The following DOK1 variants were observed in gnomAD, a reference collection of about 807,000 sequenced individuals.
The protein encoded by DOK1 is docking protein 1, also known as Downstream of tyrosine kinase 1.
In DOK1, 12 loss-of-function variants were observed where a neutral mutation model predicts 24.0. That is an observed-to-expected ratio of 0.50 (90% confidence interval 0.32 to 0.81). DOK1 has a LOEUF of 0.81. Ranked by LOEUF, DOK1 falls within the 30% of genes least tolerant of loss-of-function variation. The pLI is 0.03. For synonymous variants in DOK1, 250 were observed against 260.9 expected, an observed-to-expected ratio of 0.96 and a Z score of 0.40; for missense variants, 591 against 620.7, an observed-to-expected ratio of 0.95 and a Z score of 0.51.
chr2:74,553,448 G>A (rs1196225145), upstream of DOK1, among the ~76,000 whole-genome samples: 1 of 152,194 alleles, frequency 6.6e-6, no homozygotes, highest in African/African-American at 2.4e-5. Flanking sequence ...CCAGCCTCCT[G>A]CCAACACCAC....
At chr2:74,554,544 G>A (rs1273715226), upstream of DOK1, 2 of 577,724 alleles carry the variant, frequency 3.5e-6, no homozygotes, top group Non-Finnish European at 6.1e-6. This position sits in a 1 kb window ranked among gnomAD's most constrained non-coding sequence, Gnocchi z 4.9. Flanking sequence ...CCCCACGACG[G>A]CGGGTAGGGG....
Position 74,555,659 on chromosome 2 carries a change from A to C in DOK1, c.445A>C (p.Thr149Pro). Residue 149 changes from threonine (T) to proline (P), a missense_variant, in exon 3 of 5, where the codon ACC (threonine) becomes CCC (proline). Coordinates refer to ENST00000233668, the MANE Select transcript of DOK1 (RefSeq NM_001381.5). This position sits in a 1 kb window ranked among gnomAD's most constrained non-coding sequence, Gnocchi z 6.1. ...EMLENSLYSP[T>P]WEGSQFWVTV... ...GCTGGAGAACTCCTTGTACAGCCCT[A>C]CCTGGGAAGGTAGACGCCTCAGAAG... 2 of 1,613,968 alleles carry C rather than the reference A, an allele frequency of 1.2e-6. No individual in the cohort carries two copies. Among genetic ancestry groups the C allele is most frequent in the Admixed American group, 1.7e-5 (1 of 60,012 alleles).
chr2:74,550,281 C>G, upstream of DOK1: 2 of 1,614,178 alleles, frequency 1.2e-6, no homozygotes, highest in Non-Finnish European at 8.5e-7. Flanking sequence ...TCCCCCAGCC[C>G]CGGGAGGCAC....
Position 74,555,868 on chromosome 2 carries a change from G to A in DOK1, c.455-26G>A, listed in dbSNP as rs1421127612. 7 of 1,590,992 alleles carry A rather than the reference G, an allele frequency of 4.4e-6. No individual in the cohort carries two copies. Among genetic ancestry groups the A allele is most frequent in the Non-Finnish European group, 6.0e-6 (7 of 1,167,172 alleles). On this transcript the variant is annotated intron_variant, in intron 3 of 4. Transcript: ENST00000233668. This position sits in a 1 kb window ranked among gnomAD's most constrained non-coding sequence, Gnocchi z 6.1. Reference sequence around the variant, plus strand: ...CTGCTGCCCCCGTCCCTCCCCCGCAGCTGTCTAATCGTGTATGCCTTCCAG... The same window carrying A: ...CTGCTGCCCCCGTCCCTCCCCCGCAACTGTCTAATCGTGTATGCCTTCCAG...
chr2:74,557,099 A>C lies in DOK1; in HGVS notation c.1431A>C (p.Ser477=), dbSNP rs1194509368. ...GGACTGACAAGACTGGGGTCAAGTC[A>C]GAGGGCTCTACCTGAGAAGGACGGC... is the stretch of plus-strand genomic sequence containing the variant. ...RVGTDKTGVK[S]EGST Residue 477 remains serine (S), a synonymous_variant, in exon 5 of 5, where the codon TCA becomes TCC. Transcript: ENST00000233668. The C allele has an allele frequency of 1.2e-6, 2 of 1,609,428 alleles. No individual in the cohort carries two copies. Among genetic ancestry groups the C allele is most frequent in the South Asian group, 2.2e-5 (2 of 90,970 alleles).
rs764963704 is a variant in DOK1, at chr2:74,555,962, G to T, written c.523G>T (p.Val175Leu). The stretch of plus-strand genomic sequence containing the variant: ...GCGCTGTGGCCTGCATGGCTCCTAC[G>T]TGCTGAGGGTGGAGGCTGAAAGGCT... ...AERCGLHGSYVLRVEAERLTL... is the reference protein window; with the variant it reads ...AERCGLHGSYLLRVEAERLTL... Residue 175 changes from valine to leucine, a missense_variant, in exon 4 of 5, where the codon GTG becomes TTG. Transcript: ENST00000233668. The surrounding 1 kb of genome is among the most constrained non-coding windows in gnomAD (Gnocchi z 6.1). 3.1e-6 allele frequency: 5 copies of T among 1,613,814 alleles called. No individual in the cohort carries two copies. In the Admixed American group the frequency reaches 5.0e-5, roughly 16 times the overall value.
chr2:74,550,978 G>A (rs1347940793), upstream of DOK1, among the ~76,000 whole-genome samples: 1 of 151,362 alleles, frequency 6.6e-6, no homozygotes, highest in Non-Finnish European at 1.5e-5. Context: ...TGTTGCCTAG[G>A]CTGAAATGCA....
chr2:74,556,115 C>T lies in DOK1; in HGVS notation c.639+37C>T. 6.5e-7 allele frequency: 1 copy of T among 1,549,252 alleles called. No individual in the cohort carries two copies. The highest frequency in any genetic ancestry group is 8.7e-7 in the Non-Finnish European group (1 of 1,145,974). On this transcript the variant is annotated intron_variant, in intron 4 of 4. Transcript: ENST00000233668. The surrounding 1 kb of genome is among the most constrained non-coding windows in gnomAD (Gnocchi z 4.1). ...GTCCGGGAGGGCTTCCTGGGTTGGG[C>T]AGCTGTGGGAGGGGTGGGGCAGGAC...
rs1303393893 is a variant in DOK1, at chr2:74,556,332, C to G, written c.664C>G (p.Arg222Gly). Residue 222 changes from arginine (R) to glycine (G), a missense_variant, in exon 5 of 5, where the codon CGC becomes GGC. Arg to Gly is a moderately radical substitution (Grantham distance 125). Transcript: ENST00000233668. The surrounding 1 kb of genome is among the most constrained non-coding windows in gnomAD (Gnocchi z 4.1). The stretch of plus-strand genomic sequence containing the variant: ...GGTCATGTTCTCTTTCGAGGCCGGC[C>G]GCCGCTGCCCCTCAGGCCCTGGAAC... ...DKVMFSFEAG[R>G]RCPSGPGTFT... 2.5e-6 allele frequency: 4 copies of G among 1,612,692 alleles called. No individual in the cohort carries two copies. The Admixed American group carries it at 5.0e-5, about 20-fold the overall frequency.
At chr2:74,550,377 A>G, upstream of DOK1, 8 of 1,605,238 alleles carry the variant, frequency 5.0e-6, no homozygotes, top group Non-Finnish European at 6.8e-6. Flanking sequence ...AGGGACAGAG[A>G]AGCTTGGGGA....
chr2:74,552,112 C>T (rs545929173), upstream of DOK1, among the ~76,000 whole-genome samples: 2 of 152,302 alleles, frequency 1.3e-5, no homozygotes, highest in East Asian at 3.9e-4. Context: ...GCATACAGGG[C>T]ATCTGAGGCT....
At chr2:74,552,849 G>A, upstream of DOK1, 1 of 550,358 alleles carries the variant, frequency 1.8e-6, no homozygotes, top group Admixed American at 3.5e-5. Context: ...AGGTCATAGA[G>A]GCACAGCCTG....
chr2:74,550,214 G>T (rs1211028948), upstream of DOK1: 2 of 1,614,060 alleles, frequency 1.2e-6, no homozygotes, highest in Non-Finnish European at 1.7e-6. Context: ...GAGAAGCCAG[G>T]GAGGCGCTGG....
rs1428286106 is a variant in DOK1 at position 74,556,805 on chromosome 2, G to A, written c.1137G>A (p.Leu379=). 5 of 1,614,128 alleles carry A rather than the reference G, an allele frequency of 3.1e-6. No individual in the cohort carries two copies. In the East Asian group the frequency reaches 8.9e-5, roughly 29 times the overall value. The stretch of plus-strand genomic sequence containing the variant: ...TCCCTCCCCAGGGCCTTTATGATCT[G>A]CCTCGGGAGCCCAAGGATGCATGGT... The part of the protein sequence containing the change: ...APVPPQGLYD[L]PREPKDAWWC... Residue 379 remains leucine, a synonymous_variant, in exon 5 of 5, where the codon CTG becomes CTA. Transcript: ENST00000233668. The surrounding 1 kb of genome is among the most constrained non-coding windows in gnomAD (Gnocchi z 4.1).
rs540742079 is a variant in DOK1, at chr2:74,555,946, C to T, written c.507C>T (p.Gly169=). 1.5e-5 allele frequency: 24 copies of T among 1,613,568 alleles called. No individual in the cohort carries two copies. The highest frequency in any genetic ancestry group is 2.0e-5 in the Non-Finnish European group (24 of 1,179,810). Residue 169 remains glycine, a synonymous_variant, in exon 4 of 5, where the codon GGC becomes GGT. Transcript: ENST00000233668. This position sits in a 1 kb window ranked among gnomAD's most constrained non-coding sequence, Gnocchi z 6.1. ...GGACTGAGGCCGCCGAGCGCTGTGG[C>T]CTGCATGGCTCCTACGTGCTGAGGG... ...VQRTEAAERC[G]LHGSYVLRVE... is the part of the protein sequence containing the mutation.
upstream of DOK1, chr2:74,552,474 T>C (rs1213377664): frequency 1.9e-6 from 3 of 1,613,524 alleles, no homozygotes; most frequent in Admixed American, 5.0e-5. Context: ...GCGGCCCTCG[T>C]AGGGCTTCCT....
upstream of DOK1, chr2:74,550,311 G>C (rs772444680): frequency 2.5e-6 from 4 of 1,614,102 alleles, no homozygotes; most frequent in Non-Finnish European, 3.4e-6. Context: ...CACTCTGCTC[G>C]GTCCCACTGC....
chr2:74,553,435 G>A (rs1677158253), upstream of DOK1, among the ~76,000 whole-genome samples: 1 of 152,208 alleles, frequency 6.6e-6, no homozygotes, highest in Non-Finnish European at 1.5e-5. Context: ...GGGTAGGGTT[G>A]TCCCAGCCTC....
chr2:74,550,055 C>A, upstream of DOK1: 1 of 1,476,872 alleles, frequency 6.8e-7, no homozygotes. Flanking sequence ...CTATCATTTG[C>A]TTTTCCAAGT....
Sources: gnomAD v4.1 joint callset for allele counts (sites outside exome capture counted in the v4.1 genomes callset) on GRCh38, gnomAD v4.1.1 for gene constraint, Gnocchi (gnomAD v3.1) non-coding constraint, MANE v1.5 for transcripts, NCBI Gene and HGNC (gene_info 2026-07-23, HGNC 2026-07-21) for gene names.